The following RASGEF1C variants were observed in gnomAD, a reference collection of about 807,000 sequenced individuals.
RASGEF1C encodes ras-GEF domain-containing family member 1C.
Under a neutral mutation model 58.1 loss-of-function variants are expected in RASGEF1C, and 27 were observed. The ratio of observed to expected loss-of-function variants is 0.46; its 90% CI spans 0.34 to 0.64. The LOEUF (loss-of-function observed/expected upper bound fraction) is 0.64. Ranked by LOEUF, RASGEF1C falls within the 30% of genes least tolerant of loss-of-function variation. The probability of loss-of-function intolerance (pLI) is 0.01; values close to 1 mark genes in which losing one functional copy is unlikely to be tolerated. For missense variants in RASGEF1C, 502 were observed against 605.1 expected, an observed-to-expected ratio of 0.83 and a Z score of 1.79; for synonymous variants, 243 against 246.3, an observed-to-expected ratio of 0.99 and a Z score of 0.13.
Position 180,137,885 on chromosome 5 carries a change from G to A in RASGEF1C, c.168C>T (p.Tyr56=). 1 of 1,612,570 alleles carries A rather than the reference G, an allele frequency of 6.2e-7. No homozygotes were observed. The highest frequency in any genetic ancestry group is 8.5e-7 in the Non-Finnish European group (1 of 1,179,602). ...LIQHLVPTAD[Y]YPEKAYIFTF... ...TGGGTGGATCACCCACCTCGGGGTAGTAGTCGGCTGTGGGCACCAGGTGCT... is the reference window on the plus strand; with the variant it reads ...TGGGTGGATCACCCACCTCGGGGTAATAGTCGGCTGTGGGCACCAGGTGCT... Residue 56 remains tyrosine, a synonymous_variant, in exon 2 of 14, where the codon TAC becomes TAT. Coordinates refer to ENST00000361132, the MANE Select transcript of RASGEF1C (RefSeq NM_175062.4). This position sits in a 1 kb window ranked among gnomAD's most constrained non-coding sequence, Gnocchi z 4.1.
At chr5:180,152,714 T>TA (rs200760464) in intron 1 of RASGEF1C, among the ~76,000 whole-genome samples, 3,701 of 140,430 alleles carry the variant, frequency 0.026, 85 homozygotes, top group African/African-American at 0.061. Context: ...AAAGTATAAT[T>TA]AAAAAAAAAA....
At chr5:180,172,282 A>T (rs1051015263) in intron 1 of RASGEF1C, among the ~76,000 whole-genome samples, 1 of 151,982 alleles carries the variant, frequency 6.6e-6, no homozygotes, top group African/African-American at 2.4e-5. Flanking sequence ...GGTCCCTCCC[A>T]CCTGCTCCCC....
At chr5:180,173,231 A>G (rs1263743136) in intron 1 of RASGEF1C, among the ~76,000 whole-genome samples, 1 of 152,246 alleles carries the variant, frequency 6.6e-6, no homozygotes, top group Non-Finnish European at 1.5e-5. Context: ...AGAGCCAGCT[A>G]CACAGGGCCT....
intron 4 of RASGEF1C, among the ~76,000 whole-genome samples, chr5:180,131,688 ACAGT>A: frequency 6.6e-6 from 1 of 152,304 alleles, no homozygotes; most frequent in East Asian, 1.9e-4. Flanking sequence ...TCACCTGCTG[ACAGT>A]CAGACGCTCT....
chr5:180,195,902 C>G (rs1049475396), intron 1 of RASGEF1C, among the ~76,000 whole-genome samples: 1 of 152,110 alleles, frequency 6.6e-6, no homozygotes, highest in Non-Finnish European at 1.5e-5. Context: ...TCCCCACTAT[C>G]TGGAATATTA....
chr5:180,135,400 A>C (rs976661153), intron 4 of RASGEF1C: 1 of 151,942 alleles, frequency 6.6e-6, no homozygotes, highest in African/African-American at 2.4e-5. Context: ...CCATGTCCAG[A>C]CCTACTCTGC....
intron 10 of RASGEF1C, chr5:180,115,458 G>C (rs896867681): frequency 3.3e-6 from 1 of 304,968 alleles, no homozygotes; most frequent in African/African-American, 2.4e-5. Flanking sequence ...CTGCGTGCAG[G>C]CCCCCCCAGA....
In RASGEF1C at chr5:180,101,325, G is replaced by A; in HGVS notation, c.*176C>T. The A allele has an allele frequency of 1.5e-6, 1 of 679,478 alleles. No individual in the cohort carries two copies. Among genetic ancestry groups the A allele is most frequent in the Non-Finnish European group, 2.4e-6 (1 of 414,336 alleles). The allele number at this position is 679,478 out of a possible 1,614,324, so 42.1% of individuals were successfully genotyped here. A position where few individuals can be genotyped will look rare whatever the true frequency, so the allele number is the denominator to read the frequency against. On this transcript the variant is annotated 3_prime_UTR_variant, in exon 14 of 14. Transcript: ENST00000361132. ...CTGCCAGGGCCAAAGTCCCATAAAA[G>A]GTCTCCTGTGCCCGTATGGCCACTG...
At chr5:180,208,910 C>A (rs1756544160) in intron 1 of RASGEF1C, 118 bp downstream of exon 1, 1 of 148,598 alleles carries the variant, frequency 6.7e-6, no homozygotes, top group Non-Finnish European at 1.5e-5. Context: ...GCTCCCGCGC[C>A]GCGCGCAGCC....
intron 1 of RASGEF1C, among the ~76,000 whole-genome samples, chr5:180,188,353 G>A (rs1474570856): frequency 1.3e-5 from 2 of 152,208 alleles, no homozygotes; most frequent in African/African-American, 2.4e-5. Flanking sequence ...CTGCTAATGA[G>A]TATAAAATGT....
chr5:180,190,764 A>G lies in RASGEF1C; in HGVS notation c.-7+18264T>C, dbSNP rs10074984. On this transcript the variant is annotated intron_variant, in intron 1 of 13. Coordinates refer to ENST00000361132, the MANE Select transcript of RASGEF1C (RefSeq NM_175062.4). ...TAGAATAAAATGTAGGAGAAAATCT[A>G]TAAATTGGAGTTAGGTAAAAATTCC... 1.7e-3 allele frequency among the ~76,000 whole-genome samples: 257 copies of G among 152,262 alleles called. 2 individuals are homozygous for G. Among genetic ancestry groups the G allele is most frequent in the Middle Eastern group, 6.8e-3 (2 of 294 alleles).
chr5:180,175,531 G>A (rs966146735), intron 1 of RASGEF1C, among the ~76,000 whole-genome samples: 2 of 152,152 alleles, frequency 1.3e-5, no homozygotes, highest in Admixed American at 1.3e-4. Context: ...CCTGCATTTC[G>A]GTGCTTGTTG....
intron 4 of RASGEF1C, 80 bp from the exon 5 acceptor site, chr5:180,128,690 G>T: frequency 7.2e-7 from 1 of 1,396,272 alleles, no homozygotes; most frequent in Non-Finnish European, 9.9e-7. Context: ...AGCCACCTGG[G>T]CTCCAAAGGG....
rs531803214 is a variant in RASGEF1C at position 180,112,009 on chromosome 5, C to T, written c.1180-429G>A. On this transcript the variant is annotated intron_variant, in intron 11 of 13. Transcript: ENST00000361132. ...CAGTTGTGAATGGCAGGGACCCCCG[C>T]TCCACGACACCCTTTGATCTGCCCT... Among the ~76,000 whole-genome samples the T allele has an allele frequency of 1.6e-3, 238 of 152,304 alleles. 1 individual carries two copies. Among genetic ancestry groups the T allele is most frequent in the Middle Eastern group, 6.8e-3 (2 of 294 alleles).
At chr5:180,111,725 C>G in intron 11 of RASGEF1C, 145 bp from the exon 12 acceptor site, 1 of 801,246 alleles carries the variant, frequency 1.2e-6, no homozygotes, top group Non-Finnish European at 2.0e-6. Context: ...TAAATGAGGG[C>G]GAGAGCAGTC....
At chr5:180,203,565 C>T (rs1756436213) in intron 1 of RASGEF1C, among the ~76,000 whole-genome samples, 1 of 152,370 alleles carries the variant, frequency 6.6e-6, no homozygotes, top group East Asian at 1.9e-4. Context: ...GTGCTGGCCA[C>T]CAGCAGTACT....
chr5:180,191,414 T>G (rs962980508), intron 1 of RASGEF1C, among the ~76,000 whole-genome samples: 2 of 152,126 alleles, frequency 1.3e-5, no homozygotes, highest in African/African-American at 4.8e-5. Flanking sequence ...TGGAGTGCAG[T>G]GGCGCGATCT....
rs139300659 is a variant in RASGEF1C at position 180,144,000 on chromosome 5, C to T, written c.-6-5942G>A. 2.9e-4 allele frequency among the ~76,000 whole-genome samples: 44 copies of T among 152,266 alleles called. No homozygotes were observed. Among genetic ancestry groups the T allele is most frequent in the African/African-American group, 1.0e-3 (43 of 41,556 alleles). On this transcript the variant is annotated intron_variant, in intron 1 of 13. Coordinates refer to ENST00000361132, the MANE Select transcript of RASGEF1C (RefSeq NM_175062.4). This position sits in a 1 kb window ranked among gnomAD's most constrained non-coding sequence, Gnocchi z 4.3. ...CCACGCGCGTGTCTCAGGAAGACACCTGTGAGCTCTGAGAAGAGGGAGCAG... is the reference window on the plus strand; with the variant it reads ...CCACGCGCGTGTCTCAGGAAGACACTTGTGAGCTCTGAGAAGAGGGAGCAG...
chr5:180,186,019 C>T (rs1195762014), intron 1 of RASGEF1C, among the ~76,000 whole-genome samples: 1 of 149,326 alleles, frequency 6.7e-6, no homozygotes, highest in Non-Finnish European at 1.5e-5. Flanking sequence ...GCTGATTGAG[C>T]CTGGGAGGTC....
Sources: allele counts gnomAD v4.1 joint callset (sites outside exome capture counted in the v4.1 genomes callset), GRCh38; gene constraint gnomAD v4.1.1; non-coding constraint Gnocchi (gnomAD v3.1); transcripts MANE v1.5; gene names NCBI Gene and HGNC (gene_info 2026-07-23, HGNC 2026-07-21).